Variants in ZNRF3 observed in about 807,000 individuals in gnomAD.
ZNRF3 encodes the protein zinc and ring finger 3.
Under a neutral mutation model 72.5 loss-of-function variants are expected in ZNRF3, and 23 were observed. The observed-to-expected ratio is 0.32, with a 90% CI of 0.23 to 0.45. The LOEUF (loss-of-function observed/expected upper bound fraction) is 0.45. Ranked by LOEUF, ZNRF3 falls within the 20% of genes least tolerant of loss-of-function variation. The probability of loss-of-function intolerance (pLI) is 1.00; values close to 1 mark genes in which losing one functional copy is unlikely to be tolerated. For synonymous variants in ZNRF3, 610 were observed against 545.3 expected (o/e 1.12, Z -1.65); for missense variants, 1,169 against 1,272.1 (o/e 0.92, Z 1.23).
intron 1 of ZNRF3, among the ~76,000 whole-genome samples, chr22:28,933,601 G>A (rs1187342542): frequency 1.3e-5 from 2 of 152,100 alleles, no homozygotes; most frequent in African/African-American, 4.8e-5. Flanking sequence ...GATGAGAATA[G>A]ACATTAGGCC....
At chr22:29,020,875 C>A (rs1030001666) in intron 2 of ZNRF3, among the ~76,000 whole-genome samples, 3 of 151,540 alleles carry the variant, frequency 2.0e-5, no homozygotes, top group African/African-American at 7.3e-5. Context: ...TGGCTCACTG[C>A]AAGCTCCACT....
Position 28,956,353 on chromosome 22 carries a change from CTTTTTTTT to C in ZNRF3, c.301-30706_301-30699del, listed in dbSNP as rs61155224. 9.1e-5 allele frequency among the ~76,000 whole-genome samples: 10 copies of C among 110,436 alleles called. No individual in the cohort carries two copies. The East Asian group carries it at 1.3e-3, about 14-fold the overall frequency. The allele number at this position is 110,436 out of a possible 152,430, so 72.5% of individuals were successfully genotyped here. ...TCCGAATGGCCTTTGTTTCCATTTC[CTTTTTTTT>C]TTTTTTTTTTTTTTTTAAAGCTGCA... On this transcript the variant is annotated intron_variant, in intron 1 of 8. Transcript: ENST00000544604.
intron 1 of ZNRF3, among the ~76,000 whole-genome samples, chr22:28,935,696 CTT>C (rs1268138840): frequency 6.6e-6 from 1 of 152,186 alleles, no homozygotes; most frequent in Non-Finnish European, 1.5e-5. Context: ...CAGTTCCACC[CTT>C]TATTGGCTGC....
At chr22:28,988,352 G>C (rs1448759386) in intron 2 of ZNRF3, among the ~76,000 whole-genome samples, 1 of 152,176 alleles carries the variant, frequency 6.6e-6, no homozygotes, top group Admixed American at 6.5e-5. Context: ...GAAGCAGGGT[G>C]CTAGAGAGGG....
At chr22:28,955,769 A>G (rs79877024) in intron 1 of ZNRF3, among the ~76,000 whole-genome samples, 3 of 151,654 alleles carry the variant, frequency 2.0e-5, no homozygotes, top group Admixed American at 6.6e-5. Flanking sequence ...AAAAAAAAAA[A>G]AGAGCCAGGC....
Position 29,025,845 on chromosome 22 carries a change from G to C in ZNRF3, c.427-16650G>C, listed in dbSNP as rs545745495. 4.6e-5 allele frequency: 7 copies of C among 152,318 alleles called. No homozygotes were observed. The South Asian group carries it at 1.4e-3, about 32-fold the overall frequency. The allele number at this position is 152,318 out of a possible 1,614,324, so 9.4% of individuals were successfully genotyped here. A position where few individuals can be genotyped will look rare whatever the true frequency, so the allele number is the denominator to read the frequency against. ...CCTCTAGTTCCATTTCTTTAACCTA[G>C]TGGATTGCAAGCCCCTCACTGCTTT... On this transcript the variant is annotated intron_variant, in intron 2 of 8. Coordinates refer to ENST00000544604, the MANE Select transcript of ZNRF3 (RefSeq NM_001206998.2).
chr22:29,053,273 C>T (rs1269940607), intron 8 of ZNRF3, among the ~76,000 whole-genome samples: 1 of 152,152 alleles, frequency 6.6e-6, no homozygotes, highest in Non-Finnish European at 1.5e-5. Context: ...GTGAGGGAGT[C>T]CTCTCTGCTG....
intron 2 of ZNRF3, among the ~76,000 whole-genome samples, chr22:29,039,623 G>A (rs1289722783): frequency 6.6e-6 from 1 of 151,922 alleles, no homozygotes; most frequent in Non-Finnish European, 1.5e-5. Flanking sequence ...TGAGCTGTTG[G>A]CCTCTGGCAG....
intron 1 of ZNRF3, among the ~76,000 whole-genome samples, chr22:28,954,534 T>A (rs1415950706): frequency 1.3e-5 from 2 of 152,232 alleles, no homozygotes; most frequent in African/African-American, 2.4e-5. Flanking sequence ...AGCAGTCATT[T>A]ATTTAGTGTT....
chr22:29,034,753 A>G (rs757860386), intron 2 of ZNRF3, among the ~76,000 whole-genome samples: 37 of 152,158 alleles, frequency 2.4e-4, no homozygotes, highest in Non-Finnish European at 4.9e-4. Flanking sequence ...CTAAATGTAC[A>G]TGCTCTTCCT....
chr22:29,052,205 C>T (rs542284403), intron 8 of ZNRF3, among the ~76,000 whole-genome samples: 3 of 152,208 alleles, frequency 2.0e-5, no homozygotes, highest in Non-Finnish European at 4.4e-5. Context: ...GTATCTACTT[C>T]TCTGCACTCC....
chr22:29,013,850 A>G (rs1206561572), intron 2 of ZNRF3, among the ~76,000 whole-genome samples: 3 of 152,192 alleles, frequency 2.0e-5, no homozygotes, highest in Non-Finnish European at 4.4e-5. Flanking sequence ...GATTTTTGGC[A>G]TTGCTGCTTC....
At chr22:28,921,413 ATCCAACCACAGAGCCCC>A (rs2034510187) in intron 1 of ZNRF3, among the ~76,000 whole-genome samples, 4 of 152,196 alleles carry the variant, frequency 2.6e-5, no homozygotes, top group Non-Finnish European at 5.9e-5. Flanking sequence ...GCATTTTGGC[ATCCAACCACAGAGCCCC>A]TTGCCTCTAG....
chr22:29,020,851 C>T (rs557941528), intron 2 of ZNRF3, among the ~76,000 whole-genome samples: 16 of 150,792 alleles, frequency 1.1e-4, no homozygotes, highest in African/African-American at 3.4e-4. Context: ...GGCTGGAGTG[C>T]AGTGGGGCGA....
At chr22:28,885,345 AT>A in intron 1 of ZNRF3, among the ~76,000 whole-genome samples, 1 of 152,268 alleles carries the variant, frequency 6.6e-6, no homozygotes, top group South Asian at 2.1e-4. Context: ...CCGGGCTCTT[AT>A]CCCCATCCGA....
Position 28,997,988 on chromosome 22 carries a change from TAAAAA to T in ZNRF3, c.426+10807_426+10811del, listed in dbSNP as rs557887667. 1.4e-4 allele frequency among the ~76,000 whole-genome samples: 16 copies of T among 115,336 alleles called. No homozygotes were observed. In the South Asian group the frequency reaches 3.5e-3, roughly 26 times the overall value. The allele number at this position is 115,336 out of a possible 152,430, so 75.7% of individuals were successfully genotyped here. ...AACTGAGAGTGAGACCCTGGCTCTT[TAAAAA>T]AAAAAAAAAAAAAAAAAAAGTATGA... On this transcript the variant is annotated intron_variant, in intron 2 of 8. Transcript: ENST00000544604.
intron 1 of ZNRF3, among the ~76,000 whole-genome samples, chr22:28,899,263 A>G (rs1569238677): frequency 6.6e-6 from 1 of 152,148 alleles, no homozygotes; most frequent in Non-Finnish European, 1.5e-5. Flanking sequence ...TAATTTTTGC[A>G]TTTCCTGACT....
intron 2 of ZNRF3, 143 bp from the exon 3 acceptor site, chr22:29,042,352 A>C (rs2036979542): frequency 1.6e-6 from 1 of 617,394 alleles, no homozygotes; most frequent in Non-Finnish European, 2.9e-6. Flanking sequence ...ATTGAGGATT[A>C]GGAAAGTGAA....
intron 1 of ZNRF3, among the ~76,000 whole-genome samples, chr22:28,923,423 C>A (rs1387713469): frequency 6.6e-6 from 1 of 152,156 alleles, no homozygotes; most frequent in Non-Finnish European, 1.5e-5. Context: ...ACCCTCACAC[C>A]CGCCAGTCTC....
Sources: allele counts gnomAD v4.1 joint callset (sites outside exome capture counted in the v4.1 genomes callset), GRCh38; gene constraint gnomAD v4.1.1; transcripts MANE v1.5; gene names NCBI Gene and HGNC (gene_info 2026-07-23, HGNC 2026-07-21).